SUGCT: variants seen among roughly 807,000 people sequenced by gnomAD.
SUGCT encodes the protein succinyl-CoA:glutarate-CoA transferase.
A neutral mutation model predicts 55.0 loss-of-function variants in SUGCT; 41 were observed. The ratio of observed to expected loss-of-function variants is 0.74; its 90% confidence interval spans 0.58 to 0.97. The LOEUF (loss-of-function observed/expected upper bound fraction) is 0.97. Ranked by LOEUF, SUGCT falls within the 50% of genes least tolerant of loss-of-function variation. The pLI, the probability that SUGCT is intolerant of heterozygous loss-of-function variation, is 0.00. For synonymous variants in SUGCT, 187 were observed against 200.4 expected, an observed-to-expected ratio of 0.93 and a Z score of 0.56; for missense variants, 568 against 547.8, an observed-to-expected ratio of 1.04 and a Z score of -0.37.
chr7:40,757,073 C>G (rs1788289545), intron 13 of SUGCT, among the ~76,000 whole-genome samples: 1 of 152,152 alleles, frequency 6.6e-6, no homozygotes, highest in Non-Finnish European at 1.5e-5. Flanking sequence ...TCAGTGTATT[C>G]TCAGGTGACT....
At chr7:40,232,437 T>A (rs1420808261) in intron 6 of SUGCT, among the ~76,000 whole-genome samples, 1 of 152,126 alleles carries the variant, frequency 6.6e-6, no homozygotes, top group African/African-American at 2.4e-5. Context: ...ATGTATTCAA[T>A]TACTTTCTTC....
At chr7:40,193,106 A>G (rs1786018613) in intron 5 of SUGCT, among the ~76,000 whole-genome samples, 1 of 145,190 alleles carries the variant, frequency 6.9e-6, no homozygotes, top group African/African-American at 2.6e-5. Flanking sequence ...AGCTGGGACT[A>G]CAGGCATGTG....
chr7:40,652,023 G>A (rs1365652285), intron 12 of SUGCT, among the ~76,000 whole-genome samples: 1 of 150,002 alleles, frequency 6.7e-6, no homozygotes, highest in East Asian at 1.9e-4. Context: ...TGTCCTCATT[G>A]AAGAAGCCAG....
chr7:40,375,402 C>T (rs962305704), intron 9 of SUGCT, among the ~76,000 whole-genome samples: 15 of 152,126 alleles, frequency 9.9e-5, no homozygotes, highest in Admixed American at 2.6e-4. Context: ...TCCAGTGGAC[C>T]TTTGAGTCTT....
chr7:40,763,279 C>T (rs1323500268), intron 13 of SUGCT, among the ~76,000 whole-genome samples: 1 of 152,082 alleles, frequency 6.6e-6, no homozygotes, highest in African/African-American at 2.4e-5. Context: ...TTAATCAGCA[C>T]ATGGACTCTC....
intron 13 of SUGCT, among the ~76,000 whole-genome samples, chr7:40,758,068 G>A (rs568409923): frequency 2.9e-4 from 44 of 152,272 alleles, no homozygotes; most frequent in African/African-American, 8.2e-4. Flanking sequence ...GTATCATGGC[G>A]TTAACTTGGA....
At chr7:40,319,247 T>G (rs1467986772) in intron 9 of SUGCT, among the ~76,000 whole-genome samples, 1 of 152,220 alleles carries the variant, frequency 6.6e-6, no homozygotes, top group African/African-American at 2.4e-5. Context: ...TTAATTTGTT[T>G]CCTCTTCCCA....
chr7:40,668,835 C>T (rs887795629), intron 12 of SUGCT, among the ~76,000 whole-genome samples: 1 of 152,142 alleles, frequency 6.6e-6, no homozygotes, highest in Admixed American at 6.5e-5. Flanking sequence ...TCTAGCCAAA[C>T]ACCACTGAAA....
At chr7:40,578,149 T>C (rs1225899347) in intron 12 of SUGCT, among the ~76,000 whole-genome samples, 2 of 152,168 alleles carry the variant, frequency 1.3e-5, no homozygotes, top group Non-Finnish European at 2.9e-5. Context: ...CCAGCGTTTC[T>C]GATGCCGTAG....
intron 7 of SUGCT, among the ~76,000 whole-genome samples, chr7:40,265,578 T>A (rs1791512540): frequency 6.6e-6 from 1 of 152,164 alleles, no homozygotes; most frequent in Admixed American, 6.6e-5. Flanking sequence ...ATGTTAAAAA[T>A]TCTTAAATTG....
intron 9 of SUGCT, among the ~76,000 whole-genome samples, chr7:40,405,764 A>T (rs4513884): frequency 1.3e-5 from 2 of 149,352 alleles, no homozygotes; most frequent in African/African-American, 2.5e-5. Context: ...GAGCGGAGAT[A>T]GCGCCACTGT....
intron 13 of SUGCT, among the ~76,000 whole-genome samples, chr7:40,789,823 C>T (rs723837): frequency 0.015 from 2,252 of 152,220 alleles, 141 homozygotes; most frequent in East Asian, 0.096. Context: ...CTCATCAGTT[C>T]ATCTACTCCT....
intron 13 of SUGCT, among the ~76,000 whole-genome samples, chr7:40,774,097 AT>A (rs1246390624): frequency 2.0e-5 from 3 of 152,020 alleles, no homozygotes; most frequent in Non-Finnish European, 2.9e-5. Context: ...CCTTTGTTAC[AT>A]TTTTTTCTTT....
At chr7:41,024,319 A>G in the SUGCT span, among the ~76,000 whole-genome samples, 1 of 152,352 alleles carries the variant, frequency 6.6e-6, no homozygotes, top group South Asian at 2.1e-4. Flanking sequence ...CACAAACCAC[A>G]GACTGTGAAA....
At chr7:40,392,065 A>G (rs1785464216) in intron 9 of SUGCT, among the ~76,000 whole-genome samples, 1 of 152,192 alleles carries the variant, frequency 6.6e-6, no homozygotes, top group Admixed American at 6.5e-5. Flanking sequence ...GTTATCACTC[A>G]TAGGTGGGAA....
chr7:40,678,686 A>G (rs560001738), intron 12 of SUGCT, among the ~76,000 whole-genome samples: 10 of 152,358 alleles, frequency 6.6e-5, no homozygotes, highest in African/African-American at 1.4e-4. Flanking sequence ...TGAACTATTC[A>G]TATAGTATAT....
chr7:40,295,222 C>T (rs946364644), intron 8 of SUGCT, among the ~76,000 whole-genome samples: 3 of 151,900 alleles, frequency 2.0e-5, no homozygotes, highest in African/African-American at 7.2e-5. Context: ...TGCATTTCCA[C>T]TGCTTAGTGA....
At chr7:40,444,442 C>T (rs748441006) in intron 9 of SUGCT, among the ~76,000 whole-genome samples, 2 of 151,994 alleles carry the variant, frequency 1.3e-5, no homozygotes, top group Non-Finnish European at 2.9e-5. Context: ...CCTTCACATC[C>T]CTTGTAAGTT....
chr7:40,285,707 G>C (rs1421855368), intron 8 of SUGCT, among the ~76,000 whole-genome samples: 1 of 152,096 alleles, frequency 6.6e-6, no homozygotes, highest in Non-Finnish European at 1.5e-5. Context: ...GTAATTCTAG[G>C]AAAATTACTT....
Sources: allele counts gnomAD v4.1 joint callset (sites outside exome capture counted in the v4.1 genomes callset), GRCh38; gene constraint gnomAD v4.1.1; transcripts MANE v1.5; gene names NCBI Gene and HGNC (gene_info 2026-07-23, HGNC 2026-07-21).